Variants in RHOQ observed in about 807,000 individuals in gnomAD.
RHOQ encodes ras homolog family member Q.
A neutral mutation model predicts 25.8 loss-of-function variants in RHOQ; 7 were observed. That is an observed-to-expected ratio of 0.27 (90% CI 0.15 to 0.51). RHOQ has a LOEUF of 0.51. Ranked by LOEUF, RHOQ falls within the 20% of genes least tolerant of loss-of-function variation. RHOQ has a pLI of 0.97. For missense variants in RHOQ, 165 were observed against 260.6 expected (o/e 0.63, Z 2.53); for synonymous variants, 97 against 98.6 (o/e 0.98, Z 0.10).
At chr2:46,567,796 C>T (rs1668781024) in intron 2 of RHOQ, among the ~76,000 whole-genome samples, 1 of 152,126 alleles carries the variant, frequency 6.6e-6, no homozygotes, top group Non-Finnish European at 1.5e-5. Flanking sequence ...GTGGCTCATG[C>T]CTATAATCCC....
chr2:46,563,162 T>C (rs896981430), intron 2 of RHOQ, among the ~76,000 whole-genome samples: 1 of 152,072 alleles, frequency 6.6e-6, no homozygotes, highest in Non-Finnish European at 1.5e-5. Flanking sequence ...TGAAACCCCA[T>C]GATAGACTAC....
At chr2:46,572,420 A>G (rs1668962967) in intron 2 of RHOQ, among the ~76,000 whole-genome samples, 1 of 151,994 alleles carries the variant, frequency 6.6e-6, no homozygotes, top group Non-Finnish European at 1.5e-5. Flanking sequence ...ATATTTTTAA[A>G]GTAAGGTTGT....
At chr2:46,543,922 G>A (rs879694345) in intron 2 of RHOQ, 110 bp downstream of exon 2, 2 of 849,860 alleles carry the variant, frequency 2.4e-6, no homozygotes, top group Non-Finnish European at 3.8e-6. Flanking sequence ...TGTCTGCGAC[G>A]GGCTTCCCCT....
chr2:46,572,204 C>G (rs12105801), intron 2 of RHOQ, among the ~76,000 whole-genome samples: 71,269 of 144,394 alleles, frequency 0.49, 18,845 homozygotes, highest in African/African-American at 0.72. Context: ...TTGAGCTCAA[C>G]TGATCCACCC....
At position 46,543,788 on chromosome 2, in the gene RHOQ, A is replaced by G; in HGVS notation, c.177A>G (p.Leu59=). Residue 59 remains leucine (L), a synonymous_variant, in exon 2 of 5, where the codon CTA becomes CTG. Coordinates refer to ENST00000238738, the MANE Select transcript of RHOQ (RefSeq NM_012249.4). The part of the protein sequence containing the change: ...SVTVGGKQYL[L]GLYDTAGQED... ...CCGTGGGGGGCAAGCAGTACCTCCTAGGACTCTATGACACGGCCGGACAGG... is the reference window on the plus strand; with the variant it reads ...CCGTGGGGGGCAAGCAGTACCTCCTGGGACTCTATGACACGGCCGGACAGG... 6.2e-7 allele frequency: 1 copy of G among 1,613,660 alleles called. No individual in the cohort carries two copies. Among genetic ancestry groups the G allele is most frequent in the Non-Finnish European group, 8.5e-7 (1 of 1,179,840 alleles).
intron 2 of RHOQ, among the ~76,000 whole-genome samples, chr2:46,573,338 G>A (rs1342234112): frequency 1.3e-5 from 2 of 152,202 alleles, no homozygotes; most frequent in African/African-American, 2.4e-5. Context: ...GGGATTACAG[G>A]TGTGGGCCAT....
rs1669404530 is a variant in RHOQ at position 46,582,064 on chromosome 2, G to T, written c.*981G>T. On this transcript the variant is annotated 3_prime_UTR_variant, in exon 5 of 5. Coordinates refer to ENST00000238738, the MANE Select transcript of RHOQ (RefSeq NM_012249.4). ...AATCCAAGCGTGTTACATGAAAATT[G>T]TAACAGAGCAGCTGCTTCCACCTTT... 1 of 155,100 alleles carries T rather than the reference G, an allele frequency of 6.4e-6. No individual in the cohort carries two copies. Among genetic ancestry groups the T allele is most frequent in the African/African-American group, 2.4e-5 (1 of 41,386 alleles). 9.6% of individuals were successfully genotyped at this position (155,100 alleles called of 1,614,324 possible).
In RHOQ at chr2:46,543,056, G is replaced by C. The variant is rs775015512; in HGVS notation, c.10G>C (p.Gly4Arg). Residue 4 changes from glycine (G) to arginine (R), a missense_variant, in exon 1 of 5, where the codon GGG (glycine) becomes CGG (arginine). Coordinates refer to ENST00000238738, the MANE Select transcript of RHOQ (RefSeq NM_012249.4). ...GCCGGCCGGCAGCAGCATGGCTCAC[G>C]GGCCCGGCGCGCTGATGCTCAAGTG... MAH[G>R]PGALMLKCVV... 29 of 1,597,724 alleles carry C rather than the reference G, an allele frequency of 1.8e-5. No homozygotes were observed. Among genetic ancestry groups the C allele is most frequent in the Non-Finnish European group, 2.5e-5 (29 of 1,174,008 alleles).
At chr2:46,560,576 G>C in intron 2 of RHOQ, 1 of 456,220 alleles carries the variant, frequency 2.2e-6, no homozygotes, top group South Asian at 1.5e-5. Context: ...GTTTCATCTG[G>C]ATCCTGGGGT....
chr2:46,568,597 TC>T (rs1668809718), intron 2 of RHOQ: 1 of 152,216 alleles, frequency 6.6e-6, no homozygotes, highest in Non-Finnish European at 1.5e-5. Context: ...AGCAGTACAC[TC>T]ACTAGTCATG....
Position 46,543,002 on chromosome 2 carries a change from C to T in RHOQ, c.-45C>T, listed in dbSNP as rs761719139. On this transcript the variant is annotated 5_prime_UTR_variant, in exon 1 of 5. Transcript: ENST00000238738. ...GCTGGGGCTGAGCCCGGGGCCGGGG[C>T]GGGGGCTCCGGGGGGACCATGCCCG... 775 of 1,428,072 alleles carry T rather than the reference C, an allele frequency of 5.4e-4. No homozygotes were observed. Among genetic ancestry groups the T allele is most frequent in the Non-Finnish European group, 6.9e-4 (745 of 1,084,722 alleles). The allele number at this position is 1,428,072 out of a possible 1,614,324, so 88.5% of individuals were successfully genotyped here. A position where few individuals can be genotyped will look rare whatever the true frequency, so the allele number is the denominator to read the frequency against.
chr2:46,573,511 C>G (rs1274883538), intron 2 of RHOQ, among the ~76,000 whole-genome samples: 2 of 152,186 alleles, frequency 1.3e-5, no homozygotes, highest in East Asian at 1.9e-4. Context: ...TTTAATTAAT[C>G]AAACAAAACC....
At chr2:46,559,913 T>C (rs975803166) in intron 2 of RHOQ, among the ~76,000 whole-genome samples, 4 of 152,216 alleles carry the variant, frequency 2.6e-5, no homozygotes, top group African/African-American at 9.6e-5. Flanking sequence ...CAATTTTCTT[T>C]GTACCGTGGC....
chr2:46,580,908 A>AT lies in RHOQ; in HGVS notation c.463-12dup, dbSNP rs200574821. ...ATAAACATGATCTTATATATTTGTG[A>AT]TTTTTTTTCTCCCTCCCAGATAGGA... On this transcript the variant is annotated intron_variant, in intron 4 of 4. Coordinates refer to ENST00000238738, the MANE Select transcript of RHOQ (RefSeq NM_012249.4). The AT allele has an allele frequency of 8.6e-4, 1,250 of 1,456,496 alleles. 14 individuals are homozygous for AT. The East Asian group carries it at 0.02, about 23-fold the overall frequency. 90.2% of individuals were successfully genotyped at this position (1,456,496 alleles called of 1,614,324 possible). A position where few individuals can be genotyped will look rare whatever the true frequency, so the allele number is the denominator to read the frequency against.
chr2:46,546,477 T>TAC (rs2103979801), intron 2 of RHOQ, among the ~76,000 whole-genome samples: 2 of 5,604 alleles, frequency 3.6e-4, no homozygotes, highest in African/African-American at 1.0e-3. Flanking sequence ...TATATATGTG[T>TAC]ATATATATAT....
At position 46,563,627 on chromosome 2, in the gene RHOQ, T is replaced by C. The variant is rs570256534; in HGVS notation, c.202-12460T>C. ...GGTGATGGATGCATATTGTGAAGAA[T>C]TGATGTCAACACATCAACTCTTGGC... On this transcript the variant is annotated intron_variant, in intron 2 of 4. Transcript: ENST00000238738. 6.6e-5 allele frequency among the ~76,000 whole-genome samples: 10 copies of C among 152,232 alleles called. No individual in the cohort carries two copies. In the South Asian group the frequency reaches 1.2e-3, roughly 19 times the overall value.
At chr2:46,562,035 A>C (rs762953847) in intron 2 of RHOQ, among the ~76,000 whole-genome samples, 1 of 151,974 alleles carries the variant, frequency 6.6e-6, no homozygotes, top group African/African-American at 2.4e-5. Flanking sequence ...ACACGATTTG[A>C]TTTTCCAGGC....
chr2:46,566,131 G>A lies in RHOQ; in HGVS notation c.202-9956G>A, dbSNP rs1371287263. ...CTGAGAACTTTCAGGTTTCTGGCTT[G>A]TGCACCCTGATTGAGTGGTGATATC... On this transcript the variant is annotated intron_variant, in intron 2 of 4. Coordinates refer to ENST00000238738, the MANE Select transcript of RHOQ (RefSeq NM_012249.4). The surrounding 1 kb of genome is among the most constrained non-coding windows in gnomAD (Gnocchi z 4.2). Among the ~76,000 whole-genome samples the A allele has an allele frequency of 1.3e-5, 2 of 152,218 alleles. No homozygotes were observed. The highest frequency in any genetic ancestry group is 1.5e-5 in the Non-Finnish European group (1 of 68,032).
chr2:46,546,025 G>A (rs1668033679), intron 2 of RHOQ, among the ~76,000 whole-genome samples: 1 of 152,068 alleles, frequency 6.6e-6, no homozygotes, highest in African/African-American at 2.4e-5. Flanking sequence ...AGGCCCCATT[G>A]GTGTTTTTCC....
Sources: gnomAD v4.1 joint callset for allele counts (sites outside exome capture counted in the v4.1 genomes callset) on GRCh38, gnomAD v4.1.1 for gene constraint, Gnocchi (gnomAD v3.1) non-coding constraint, MANE v1.5 for transcripts, NCBI Gene and HGNC (gene_info 2026-07-23, HGNC 2026-07-21) for gene names.